The following TANGO2 variants were observed in gnomAD, a reference collection of about 807,000 sequenced individuals.
TANGO2 encodes the protein transport and Golgi organization protein 2 homolog.
In TANGO2, 26 loss-of-function variants were observed where a neutral mutation model predicts 39.1. That is an observed-to-expected ratio of 0.67 (90% CI 0.49 to 0.92). TANGO2 has a LOEUF of 0.92. Ranked by LOEUF, TANGO2 falls within the 40% of genes least tolerant of loss-of-function variation. The pLI, the probability that TANGO2 is intolerant of heterozygous loss-of-function variation, is 0.00. For missense variants in TANGO2, 326 were observed against 360.1 expected (o/e 0.91, Z 0.77); for synonymous variants, 131 against 144.5 (o/e 0.91, Z 0.67).
At chr22:20,032,312 G>A (rs940993362) in intron 1 of TANGO2, among the ~76,000 whole-genome samples, 2 of 152,292 alleles carry the variant, frequency 1.3e-5, no homozygotes, top group African/African-American at 4.8e-5. Flanking sequence ...GCTTCTGCAA[G>A]CCTGGTGGTT....
At chr22:20,028,911 T>C (rs2041310180) in intron 1 of TANGO2, among the ~76,000 whole-genome samples, 1 of 152,174 alleles carries the variant, frequency 6.6e-6, no homozygotes, top group South Asian at 2.1e-4. Context: ...TACCTGCCTG[T>C]GGTGGGCACT....
At position 20,037,006 on chromosome 22, in the gene TANGO2, G is replaced by A. The variant is rs769832097; in HGVS notation, c.56+152G>A. ...CTGCCCTCCAGGACAGGGTCACTCA[G>A]TGTGGGATGCTGTCAGAATGCCTCT... is the stretch of plus-strand genomic sequence containing the variant. On this transcript the variant is annotated intron_variant, in intron 2 of 8. Transcript: ENST00000327374. The A allele has an allele frequency of 1.9e-6, 3 of 1,586,010 alleles. No individual in the cohort carries two copies. In the Admixed American group the frequency reaches 5.4e-5, roughly 28 times the overall value.
intron 6 of TANGO2, chr22:20,061,041 A>G (rs572029866): frequency 1.9e-3 from 290 of 153,082 alleles, no homozygotes; most frequent in Non-Finnish European, 3.3e-3. Context: ...GAGGTGGGCC[A>G]TGCTCTGCTG....
At chr22:20,025,901 A>G (rs1259077153) in intron 1 of TANGO2, among the ~76,000 whole-genome samples, 13 of 152,188 alleles carry the variant, frequency 8.5e-5, no homozygotes, top group Non-Finnish European at 1.9e-4. Flanking sequence ...AATGCATTGA[A>G]GCTAGGGTGA....
intron 1 of TANGO2, among the ~76,000 whole-genome samples, chr22:20,031,121 C>G (rs1189857140): frequency 6.6e-6 from 1 of 151,936 alleles, no homozygotes; most frequent in Non-Finnish European, 1.5e-5. Flanking sequence ...TCGCTTGAAC[C>G]AGGGAGGAGG....
chr22:20,058,864 T>A (rs915670559), intron 6 of TANGO2, among the ~76,000 whole-genome samples: 2 of 152,150 alleles, frequency 1.3e-5, no homozygotes, highest in African/African-American at 2.4e-5. Flanking sequence ...AAGCCATACA[T>A]ATTTATGAGG....
At chr22:20,028,699 T>A (rs946949827) in intron 1 of TANGO2, among the ~76,000 whole-genome samples, 1 of 152,210 alleles carries the variant, frequency 6.6e-6, no homozygotes, top group Non-Finnish European at 1.5e-5. Flanking sequence ...GCCTGATGCC[T>A]GTTGGCCTCC....
At chr22:20,061,847 C>A in intron 7 of TANGO2, 164 bp downstream of exon 7, 2 of 906,162 alleles carry the variant, frequency 2.2e-6, no homozygotes, top group Non-Finnish European at 3.2e-6. Context: ...TCCCCTTGAG[C>A]CAGCTGAGGT....
intron 4 of TANGO2, 190 bp from the exon 5 acceptor site, chr22:20,053,247 T>G (rs532270807): frequency 1.8e-6 from 1 of 553,258 alleles, no homozygotes; most frequent in Admixed American, 3.2e-5. Flanking sequence ...AATGAGCAGT[T>G]TTCAGTGCCG....
intron 1 of TANGO2, among the ~76,000 whole-genome samples, chr22:20,028,872 C>T (rs921690208): frequency 6.6e-6 from 1 of 152,210 alleles, no homozygotes; most frequent in African/African-American, 2.4e-5. Context: ...TGGGCCTCTG[C>T]AAGGTTACTG....
rs1465130311 is a variant in TANGO2, at chr22:20,057,606, A to T, written c.451+1593A>T. ...CACAGAGACTACCAGCGAGGCAGGG[A>T]TGTGGCCCCAGAAGGTCCTGAGCTT... On this transcript the variant is annotated intron_variant, in intron 6 of 8. Transcript: ENST00000327374. The surrounding 1 kb of genome is among the most constrained non-coding windows in gnomAD (Gnocchi z 4.1). Among the ~76,000 whole-genome samples, 1 of 152,142 alleles carries T rather than the reference A, an allele frequency of 6.6e-6. No homozygotes were observed.
chr22:20,037,240 T>A, intron 2 of TANGO2: 1 of 965,058 alleles, frequency 1.0e-6, no homozygotes, highest in Non-Finnish European at 1.5e-6. Flanking sequence ...GAAGTCAAAG[T>A]GGCGGCCAGG....
Position 20,061,645 on chromosome 22 carries a change from C to T in TANGO2, c.567C>T (p.Leu189=), listed in dbSNP as rs761357563. Residue 189 remains leucine (L), a synonymous_variant, in exon 7 of 9, where the codon CTC becomes CTT. Transcript: ENST00000327374. ...ERSQALPKDV[L]IASLLDVLNN... ...GCCAGGCGCTGCCCAAGGATGTGCT[C>T]ATCGCCAGCCTCCTGGATGTGCTCA... 4 of 1,560,960 alleles carry T rather than the reference C, an allele frequency of 2.6e-6. No homozygotes were observed. Among genetic ancestry groups the T allele is most frequent in the Non-Finnish European group, 2.6e-6 (3 of 1,152,022 alleles).
intron 6 of TANGO2, among the ~76,000 whole-genome samples, chr22:20,059,800 G>A (rs2048025224): frequency 6.6e-6 from 1 of 152,000 alleles, no homozygotes; most frequent in Non-Finnish European, 1.5e-5. Context: ...TAAGTCCTAT[G>A]TCTCTCTCTT....
rs944195112 is a variant in TANGO2 at position 20,061,116 on chromosome 22, T to C, written c.452-414T>C. On this transcript the variant is annotated intron_variant, in intron 6 of 8. Coordinates refer to ENST00000327374, the MANE Select transcript of TANGO2 (RefSeq NM_152906.7). ...GGGGGTTCCCCAAACAGGGACATGA[T>C]TGTGGTGGGTGCCTCCTGGCCTCTG... 4 of 164,678 alleles carry C rather than the reference T, an allele frequency of 2.4e-5. No individual in the cohort carries two copies. In the South Asian group the frequency reaches 6.3e-4, roughly 26 times the overall value. 10.2% of individuals were successfully genotyped at this position (164,678 alleles called of 1,614,324 possible). A position where few individuals can be genotyped will look rare whatever the true frequency, so the allele number is the denominator to read the frequency against.
intron 1 of TANGO2, among the ~76,000 whole-genome samples, chr22:20,027,344 A>C (rs1443707532): frequency 6.6e-6 from 1 of 152,198 alleles, no homozygotes; most frequent in Non-Finnish European, 1.5e-5. Context: ...AAATCAGCCC[A>C]TGTGCAGAGC....
chr22:20,038,062 A>C (rs1044627245), intron 2 of TANGO2, among the ~76,000 whole-genome samples: 4 of 152,166 alleles, frequency 2.6e-5, no homozygotes, highest in Non-Finnish European at 5.9e-5. Flanking sequence ...GCACTCCAGC[A>C]TGGGCAACAG....
intron 7 of TANGO2, chr22:20,063,081 G>A (rs370448583): frequency 3.4e-5 from 14 of 412,010 alleles, no homozygotes; most frequent in Non-Finnish European, 5.2e-5. Flanking sequence ...GCTTGAACTC[G>A]GGAGGTGGAA....
chr22:20,056,498 T>C (rs1280544537), intron 6 of TANGO2: 1 of 457,436 alleles, frequency 2.2e-6, no homozygotes, highest in East Asian at 6.9e-5. Context: ...CGAGCCCCTC[T>C]GCGCCAGGTC....
Sources: gnomAD v4.1 joint callset for allele counts (sites outside exome capture counted in the v4.1 genomes callset) on GRCh38, gnomAD v4.1.1 for gene constraint, Gnocchi (gnomAD v3.1) non-coding constraint, MANE v1.5 for transcripts, NCBI Gene and HGNC (gene_info 2026-07-23, HGNC 2026-07-21) for gene names.